Variants in GRIK1 observed in about 807,000 individuals in gnomAD.
GRIK1 encodes the protein glutamate ionotropic receptor kainate type subunit 1, also known as glutamate receptor ionotropic, kainate 1.
Under a neutral mutation model 105.7 loss-of-function variants are expected in GRIK1, and 69 were observed. The observed-to-expected ratio is 0.65, with a 90% CI of 0.54 to 0.80. GRIK1 has a LOEUF of 0.80. Ranked by LOEUF, GRIK1 falls within the 30% of genes least tolerant of loss-of-function variation. The probability of loss-of-function intolerance (pLI) is 0.00; values close to 1 mark genes in which losing one functional copy is unlikely to be tolerated. For missense variants in GRIK1, 1,109 were observed against 1,167.3 expected (o/e 0.95, Z 0.73); for synonymous variants, 438 against 431.3 (o/e 1.02, Z -0.19).
chr21:29,562,030 C>T (rs1217928355), intron 14 of GRIK1, among the ~76,000 whole-genome samples, 181 bp from the exon 15 acceptor site: 1 of 152,206 alleles, frequency 6.6e-6, no homozygotes, highest in African/African-American at 2.4e-5. Context: ...AGTTCACTCA[C>T]TATTGGACAG....
chr21:29,888,202 TC>T (rs2069737771), intron 1 of GRIK1, among the ~76,000 whole-genome samples: 1 of 38,966 alleles, frequency 2.6e-5, no homozygotes, highest in Non-Finnish European at 7.8e-5. Context: ...TCTTTCTCTC[TC>T]TCTCTCTCTC....
chr21:29,748,415 T>C (rs949478667), intron 1 of GRIK1: 1 of 152,140 alleles, frequency 6.6e-6, no homozygotes, highest in Non-Finnish European at 1.5e-5. Context: ...GATTTTAGAG[T>C]CTGGAAATTT....
chr21:29,803,218 A>T (rs1021722125), intron 1 of GRIK1, among the ~76,000 whole-genome samples: 21 of 152,176 alleles, frequency 1.4e-4, no homozygotes, highest in African/African-American at 5.1e-4. Context: ...CCTAAATTCC[A>T]ACTTTATTTA....
intron 1 of GRIK1, among the ~76,000 whole-genome samples, chr21:29,832,049 G>T (rs2145968044): frequency 6.6e-6 from 1 of 152,210 alleles, no homozygotes; most frequent in African/African-American, 2.4e-5. Context: ...AGGGCTACAG[G>T]CCTCATTCAA....
chr21:29,622,119 G>C (rs2062019226), intron 7 of GRIK1, among the ~76,000 whole-genome samples: 1 of 151,688 alleles, frequency 6.6e-6, no homozygotes, highest in African/African-American at 2.4e-5. Flanking sequence ...GCTAATTTTT[G>C]TATTTTTAGT....
intron 6 of GRIK1, among the ~76,000 whole-genome samples, chr21:29,649,218 GTTA>G (rs1446838158): frequency 2.0e-5 from 3 of 152,152 alleles, no homozygotes; most frequent in African/African-American, 7.2e-5. Context: ...TAATTTCAAA[GTTA>G]TTATCTGCAT....
At chr21:29,545,719 G>A (rs1372641285) in intron 16 of GRIK1, among the ~76,000 whole-genome samples, 1 of 152,150 alleles carries the variant, frequency 6.6e-6, no homozygotes, top group South Asian at 2.1e-4. Context: ...CACAGTGCAC[G>A]TATGCACTAC....
intron 1 of GRIK1, among the ~76,000 whole-genome samples, chr21:29,764,197 A>G (rs2065600178): frequency 6.6e-6 from 1 of 152,130 alleles, no homozygotes; most frequent in Non-Finnish European, 1.5e-5. Flanking sequence ...TTGGACTCCT[A>G]TTTTTTCACA....
chr21:29,913,106 C>A (rs1290738263), intron 1 of GRIK1, among the ~76,000 whole-genome samples: 1 of 152,052 alleles, frequency 6.6e-6, no homozygotes, highest in Non-Finnish European at 1.5e-5. Context: ...CCTGTCCTTT[C>A]AACATTGAAT....
At chr21:29,791,490 A>G (rs2145821651) in intron 1 of GRIK1, among the ~76,000 whole-genome samples, 1 of 152,170 alleles carries the variant, frequency 6.6e-6, no homozygotes, top group South Asian at 2.1e-4. Context: ...GAGACAAAGA[A>G]GAAGAAGGAG....
intron 15 of GRIK1, among the ~76,000 whole-genome samples, 191 bp from the exon 16 acceptor site, chr21:29,555,493 C>G (rs1026452059): frequency 1.3e-5 from 2 of 152,112 alleles, no homozygotes; most frequent in African/African-American, 4.8e-5. Context: ...AAGAAGATAG[C>G]TGACATGTTG....
chr21:29,589,363 C>T lies in GRIK1; in HGVS notation c.1366-321G>A, dbSNP rs540658684. Among the ~76,000 whole-genome samples, 10 of 151,506 alleles carry T rather than the reference C, an allele frequency of 6.6e-5. No homozygotes were observed. In the East Asian group the frequency reaches 1.9e-3, roughly 29 times the overall value. On this transcript the variant is annotated intron_variant, in intron 10 of 17. Coordinates refer to ENST00000327783, the MANE Select transcript of GRIK1 (RefSeq NM_001330994.2). ...AGGAAGGCGCAAAGGGAAATGGGGGCCCACATGCCTGGCCACCTGCTGTGC... is the reference window on the plus strand; with the variant it reads ...AGGAAGGCGCAAAGGGAAATGGGGGTCCACATGCCTGGCCACCTGCTGTGC...
intron 6 of GRIK1, among the ~76,000 whole-genome samples, chr21:29,644,822 T>C (rs1005265612): frequency 6.6e-6 from 1 of 152,212 alleles, no homozygotes; most frequent in Non-Finnish European, 1.5e-5. Context: ...TCAACAGCAA[T>C]AGCTGACATT....
chr21:29,878,514 G>T (rs1473925893), intron 1 of GRIK1, among the ~76,000 whole-genome samples: 3 of 152,074 alleles, frequency 2.0e-5, no homozygotes, highest in Non-Finnish European at 4.4e-5. Flanking sequence ...AAGATGGAAT[G>T]AAGAGACTTC....
chr21:29,599,210 C>CA (rs1269785659), intron 7 of GRIK1, among the ~76,000 whole-genome samples: 1 of 152,196 alleles, frequency 6.6e-6, no homozygotes, highest in African/African-American at 2.4e-5. Flanking sequence ...TGCCGTAAAA[C>CA]AGTCTGCACA....
intron 1 of GRIK1, among the ~76,000 whole-genome samples, chr21:29,902,348 A>C (rs1348073449): frequency 6.6e-6 from 1 of 152,232 alleles, no homozygotes; most frequent in Non-Finnish European, 1.5e-5. Context: ...GAAGAGAGGA[A>C]GTCAAATTGT....
At chr21:29,846,461 GAGAGAA>G (rs1290008955) in intron 1 of GRIK1, among the ~76,000 whole-genome samples, 437 of 129,046 alleles carry the variant, frequency 3.4e-3, no homozygotes, top group African/African-American at 0.011. Flanking sequence ...AGGAAAGAGA[GAGAGAA>G]AGAAAGAAAG....
intron 1 of GRIK1, among the ~76,000 whole-genome samples, chr21:29,741,677 G>T (rs986085599): frequency 1.3e-5 from 2 of 152,132 alleles, no homozygotes; most frequent in South Asian, 4.1e-4. Flanking sequence ...ATATATAGAA[G>T]GTTTCAGAGC....
chr21:29,548,035 C>T (rs2090074442), intron 16 of GRIK1, among the ~76,000 whole-genome samples: 1 of 152,144 alleles, frequency 6.6e-6, no homozygotes, highest in South Asian at 2.1e-4. Context: ...TCTAAACCCT[C>T]CAGTTGAAAA....
Sources: gnomAD v4.1 joint callset for allele counts (sites outside exome capture counted in the v4.1 genomes callset) on GRCh38, gnomAD v4.1.1 for gene constraint, MANE v1.5 for transcripts, NCBI Gene and HGNC (gene_info 2026-07-23, HGNC 2026-07-21) for gene names.